SAMD5: variants seen among roughly 807,000 people sequenced by gnomAD.
The protein encoded by SAMD5 is sterile alpha motif domain containing 5.
In SAMD5, 13 loss-of-function variants were observed where a neutral mutation model predicts 11.3. That is an observed-to-expected ratio of 1.15 (90% CI 0.75 to 1.83). The LOEUF is 1.83. Ranked by LOEUF, SAMD5 falls within the 40% of genes most tolerant of loss-of-function variation. SAMD5 has a pLI of 0.00. For missense variants in SAMD5, 255 were observed against 239.1 expected, an observed-to-expected ratio of 1.07 and a Z score of -0.44; for synonymous variants, 129 against 111.3, an observed-to-expected ratio of 1.16 and a Z score of -1.00.
chr6:147,737,866 C>T (rs750671457), downstream of SAMD5, among the ~76,000 whole-genome samples: 6 of 150,960 alleles, frequency 4.0e-5, no homozygotes, highest in South Asian at 2.1e-4. Flanking sequence ...GCCAGGACAT[C>T]GGTTATTTCC....
chr6:147,862,517 G>C, the SAMD5 span, among the ~76,000 whole-genome samples: 1 of 152,168 alleles, frequency 6.6e-6, no homozygotes, highest in Non-Finnish European at 1.5e-5. Flanking sequence ...CTGCTCTCTA[G>C]GATGGACCCT....
the SAMD5 span, among the ~76,000 whole-genome samples, chr6:147,816,138 G>C: frequency 6.6e-6 from 1 of 151,014 alleles, no homozygotes; most frequent in African/African-American, 2.4e-5. Context: ...AAATTAGCTA[G>C]GTGTGGTGGC....
chr6:147,792,501 A>G, the SAMD5 span, among the ~76,000 whole-genome samples: 2 of 152,316 alleles, frequency 1.3e-5, no homozygotes, highest in Non-Finnish European at 2.9e-5. Flanking sequence ...ATATTTATGC[A>G]TATGTGTGCA....
rs1791217277 is a variant in SAMD5 at position 147,699,046 on chromosome 6, G to A, written c.163-38271G>A. Among the ~76,000 whole-genome samples the A allele has an allele frequency of 2.0e-5, 3 of 152,256 alleles. No homozygotes were observed. The South Asian group carries it at 6.2e-4, about 32-fold the overall frequency. The stretch of plus-strand genomic sequence containing the variant: ...GATAGTGGTATTAGAGGAGGTTGGA[G>A]GCTCAGGCCAAACATGGAAAGGATT... On this transcript the variant is annotated intron_variant, in intron 1 of 1. Transcript: ENST00000566741.
chr6:147,650,536 A>G (rs62436300), intron 1 of SAMD5, among the ~76,000 whole-genome samples: 1 of 152,196 alleles, frequency 6.6e-6, no homozygotes, highest in Non-Finnish European at 1.5e-5. Context: ...ATTGGGTTTC[A>G]CCCTAAGGAC....
chr6:147,799,433 G>C, the SAMD5 span, among the ~76,000 whole-genome samples: 11 of 151,770 alleles, frequency 7.2e-5, no homozygotes, highest in African/African-American at 2.4e-4. Context: ...TCTGCCGAGA[G>C]ATCCGCTGTT....
intron 1 of SAMD5, among the ~76,000 whole-genome samples, chr6:147,610,760 C>T (rs992371754): frequency 6.6e-6 from 1 of 151,926 alleles, no homozygotes; most frequent in Non-Finnish European, 1.5e-5. Flanking sequence ...CTCATGGTTG[C>T]AGGAGGTTTG....
chr6:147,669,650 C>T (rs921272440), intron 1 of SAMD5, among the ~76,000 whole-genome samples: 5 of 152,020 alleles, frequency 3.3e-5, no homozygotes, highest in African/African-American at 9.6e-5. Flanking sequence ...ACACTTGTCT[C>T]GAACACCCAG....
At chr6:147,897,081 G>C in the SAMD5 span, among the ~76,000 whole-genome samples, 1 of 152,130 alleles carries the variant, frequency 6.6e-6, no homozygotes, top group Non-Finnish European at 1.5e-5. Flanking sequence ...GTTCTAAAAT[G>C]AAAGTATGAT....
the SAMD5 span, among the ~76,000 whole-genome samples, chr6:147,941,030 G>A: frequency 1.3e-5 from 2 of 151,862 alleles, no homozygotes; most frequent in Admixed American, 1.3e-4. Flanking sequence ...GAAAACAGAT[G>A]CTCAGTCAAC....
At chr6:147,926,841 AT>A in the SAMD5 span, among the ~76,000 whole-genome samples, 2 of 152,020 alleles carry the variant, frequency 1.3e-5, no homozygotes, top group Admixed American at 1.3e-4. Flanking sequence ...TCTTGAGTTG[AT>A]TTTTTTATAT....
intron 1 of SAMD5, among the ~76,000 whole-genome samples, chr6:147,609,789 CTCA>C (rs1173908675): frequency 2.0e-5 from 3 of 152,110 alleles, no homozygotes; most frequent in Non-Finnish European, 2.9e-5. Context: ...AACTCCTGAC[CTCA>C]TGATCCGCCC....
chr6:147,838,531 G>C, the SAMD5 span, among the ~76,000 whole-genome samples: 30 of 127,734 alleles, frequency 2.3e-4, no homozygotes, highest in African/African-American at 4.0e-4. Flanking sequence ...AGAATATCCT[G>C]CCCCCCCCCC....
intron 1 of SAMD5, among the ~76,000 whole-genome samples, chr6:147,612,806 T>C (rs1789805689): frequency 6.6e-6 from 1 of 152,208 alleles, no homozygotes; most frequent in African/African-American, 2.4e-5. Flanking sequence ...GCTCCTTTCT[T>C]CATTTTATAC....
At chr6:147,543,224 G>A (rs1788633519) in intron 1 of SAMD5, among the ~76,000 whole-genome samples, 1 of 152,116 alleles carries the variant, frequency 6.6e-6, no homozygotes, top group African/African-American at 2.4e-5. Flanking sequence ...TCTTTTTCTT[G>A]ATGGAAAGAT....
intron 1 of SAMD5, among the ~76,000 whole-genome samples, chr6:147,617,821 C>A (rs1009292871): frequency 6.6e-6 from 1 of 152,140 alleles, no homozygotes; most frequent in African/African-American, 2.4e-5. Context: ...GCCTTGTATA[C>A]AATAATAATG....
chr6:147,728,669 G>T (rs906448200), intron 1 of SAMD5, among the ~76,000 whole-genome samples: 9 of 152,116 alleles, frequency 5.9e-5, no homozygotes, highest in Non-Finnish European at 8.8e-5. Context: ...GCAATAGAGG[G>T]AGTTGTAGAT....
chr6:147,668,153 T>C (rs1790747157), intron 1 of SAMD5, among the ~76,000 whole-genome samples: 2 of 152,224 alleles, frequency 1.3e-5, no homozygotes, highest in Admixed American at 1.3e-4. Context: ...TCATTTTCCT[T>C]TTCAGAAGGA....
chr6:147,865,313 AGT>A, the SAMD5 span, among the ~76,000 whole-genome samples: 3,673 of 147,048 alleles, frequency 0.025, 59 homozygotes, highest in Middle Eastern at 0.034. Context: ...TAGGTATATA[AGT>A]GTGTGTGTGT....
Sources: allele counts gnomAD v4.1 joint callset (sites outside exome capture counted in the v4.1 genomes callset), GRCh38; gene constraint gnomAD v4.1.1; transcripts MANE v1.5; gene names NCBI Gene and HGNC (gene_info 2026-07-23, HGNC 2026-07-21).